DAB2: variants seen among roughly 807,000 people sequenced by gnomAD.
DAB2 encodes DAB adaptor protein 2, also known as disabled homolog 2.
Under a neutral mutation model 71.6 loss-of-function variants are expected in DAB2, and 28 were observed. The ratio of observed to expected loss-of-function variants is 0.39; its 90% CI spans 0.29 to 0.54. The LOEUF (loss-of-function observed/expected upper bound fraction) is 0.54. DAB2 is among the 20% of genes least tolerant of loss of function. The pLI, the probability that DAB2 is intolerant of heterozygous loss-of-function variation, is 0.68. For synonymous variants in DAB2, 345 were observed against 339.7 expected (o/e 1.02, Z -0.17); for missense variants, 867 against 928.8 (o/e 0.93, Z 0.86).
At chr5:39,384,145 G>A (rs747714067) in intron 9 of DAB2, among the ~76,000 whole-genome samples, 1 of 152,168 alleles carries the variant, frequency 6.6e-6, no homozygotes, top group Non-Finnish European at 1.5e-5. Context: ...CATCTATTTA[G>A]TGGTTAAAGT....
At chr5:39,376,408 T>C (rs554789884) in intron 12 of DAB2, among the ~76,000 whole-genome samples, 29 of 152,292 alleles carry the variant, frequency 1.9e-4, no homozygotes, top group African/African-American at 6.3e-4. Flanking sequence ...CAATAGCTCA[T>C]GGCAGCCCTT....
intron 9 of DAB2, among the ~76,000 whole-genome samples, chr5:39,384,705 A>G (rs375685171): frequency 1.3e-5 from 2 of 152,242 alleles, no homozygotes; most frequent in South Asian, 2.1e-4. Context: ...CCAGTAAAAG[A>G]CAGAATTATA....
intron 13 of DAB2, 78 bp from the exon 14 acceptor site, chr5:39,375,162 T>G (rs1286646777): frequency 9.2e-7 from 1 of 1,087,928 alleles, no homozygotes; most frequent in Non-Finnish European, 1.4e-6. Flanking sequence ...CTTCCAAAAT[T>G]CTTTTAAAAA....
In DAB2 at chr5:39,393,361, T is replaced by C. The variant is rs746973536; in HGVS notation, c.124A>G (p.Arg42Gly). 1 of 1,614,048 alleles carries C rather than the reference T, an allele frequency of 6.2e-7. No homozygotes were observed. The highest frequency in any genetic ancestry group is 8.5e-7 in the Non-Finnish European group (1 of 1,179,966). Residue 42 changes from arginine to glycine, a missense_variant, in exon 3 of 15, where the codon AGG becomes GGG. This residue lies in a region of DAB2 where 127 missense variants were observed against 194.4 expected (regional missense o/e 0.65). Coordinates refer to ENST00000320816, the MANE Select transcript of DAB2 (RefSeq NM_001343.4). ...TATTTTACACCATCGCCTTTGAACC[T>C]TGCTAAGAGATATTCATCTGTCTTT... ...PEKTDEYLLARFKGDGVKYKA... is the reference protein window; with the variant it reads ...PEKTDEYLLAGFKGDGVKYKA...
chr5:39,404,026 T>C (rs1022800578), intron 1 of DAB2, among the ~76,000 whole-genome samples: 14 of 152,040 alleles, frequency 9.2e-5, no homozygotes, highest in Non-Finnish European at 1.5e-4. Context: ...CAGTCTATCA[T>C]TGTTGGACAT....
At chr5:39,387,416 T>A (rs1755120794) in intron 9 of DAB2, among the ~76,000 whole-genome samples, 1 of 152,178 alleles carries the variant, frequency 6.6e-6, no homozygotes, top group South Asian at 2.1e-4. Flanking sequence ...GAATCTGAAC[T>A]AGATAAATAC....
At chr5:39,398,778 T>C (rs559908959) in intron 1 of DAB2, among the ~76,000 whole-genome samples, 1 of 152,218 alleles carries the variant, frequency 6.6e-6, no homozygotes, top group African/African-American at 2.4e-5. Flanking sequence ...TCTCCCAAGG[T>C]TTAAAGAGCA....
chr5:39,380,936 C>T (rs773264850), intron 11 of DAB2, among the ~76,000 whole-genome samples: 22 of 152,168 alleles, frequency 1.4e-4, no homozygotes, highest in Non-Finnish European at 2.1e-4. Context: ...TTACCATACA[C>T]CTAGGAACAC....
chr5:39,407,490 C>T (rs1349905989), intron 1 of DAB2, among the ~76,000 whole-genome samples: 1 of 152,214 alleles, frequency 6.6e-6, no homozygotes, highest in Non-Finnish European at 1.5e-5. Flanking sequence ...CGTGAGCCAC[C>T]ATGCCCGGCC....
At position 39,382,633 on chromosome 5, in the gene DAB2, G is replaced by C. The variant is rs776912693; in HGVS notation, c.1326C>G (p.Gly442=). 9 of 1,613,294 alleles carry C rather than the reference G, an allele frequency of 5.6e-6. No individual in the cohort carries two copies. Among genetic ancestry groups the C allele is most frequent in the Admixed American group, 3.3e-5 (2 of 59,986 alleles). ...PPPQSTKPGR[G]RRTAKSSAND... Reference sequence around the variant, plus strand: ...GACAATTCACCTTAGCAGTCCTTCTGCCTCTTCCTGGTTTGGTACTTTGTG... The same window carrying C: ...GACAATTCACCTTAGCAGTCCTTCTCCCTCTTCCTGGTTTGGTACTTTGTG... Residue 442 remains glycine (G), a synonymous_variant, in exon 10 of 15, where the codon GGC becomes GGG. Coordinates refer to ENST00000320816, the MANE Select transcript of DAB2 (RefSeq NM_001343.4).
chr5:39,422,569 T>G lies in DAB2; in HGVS notation c.-102+2235A>C, dbSNP rs1310162136. Among the ~76,000 whole-genome samples, 1 of 152,176 alleles carries G rather than the reference T, an allele frequency of 6.6e-6. No individual in the cohort carries two copies. Among genetic ancestry groups the G allele is most frequent in the Non-Finnish European group, 1.5e-5 (1 of 68,028 alleles). Reference sequence around the variant, plus strand: ...GGACATATGAGGGTAGAGTTAGAAATGAAGCAGCATAAGAGCCTATGTCAC... The same window carrying G: ...GGACATATGAGGGTAGAGTTAGAAAGGAAGCAGCATAAGAGCCTATGTCAC... On this transcript the variant is annotated intron_variant, in intron 1 of 14. Transcript: ENST00000320816. This position sits in a 1 kb window ranked among gnomAD's most constrained non-coding sequence, Gnocchi z 4.1.
intron 1 of DAB2, among the ~76,000 whole-genome samples, chr5:39,418,654 G>A (rs979519504): frequency 7.9e-5 from 12 of 152,080 alleles, no homozygotes; most frequent in African/African-American, 2.9e-4. Context: ...ATGAAGCATT[G>A]CCACATTCTC....
chr5:39,391,309 G>T (rs1338977836), intron 4 of DAB2, among the ~76,000 whole-genome samples: 1 of 152,058 alleles, frequency 6.6e-6, no homozygotes, highest in East Asian at 1.9e-4. Flanking sequence ...GGCAGAGTGT[G>T]TCTTGGCTTT....
intron 4 of DAB2, among the ~76,000 whole-genome samples, chr5:39,391,054 T>C (rs1225613100): frequency 6.6e-6 from 1 of 152,172 alleles, no homozygotes; most frequent in East Asian, 1.9e-4. Context: ...ATTCCCAGTA[T>C]ATTCTGGAGG....
chr5:39,396,264 G>T (rs918653229), intron 1 of DAB2, among the ~76,000 whole-genome samples: 2 of 152,182 alleles, frequency 1.3e-5, no homozygotes, highest in Admixed American at 1.3e-4. Flanking sequence ...AACCAGGTTT[G>T]TAACCCAGAC....
chr5:39,383,219 T>G lies in DAB2; in HGVS notation c.740A>C (p.Gln247Pro). Residue 247 changes from glutamine to proline, a missense_variant, in exon 10 of 15, where the codon CAG (glutamine) becomes CCG (proline). Physicochemically the swap from Gln to Pro is moderately conservative, Grantham distance 76. Around this residue, in one of 2 missense-constraint regions of DAB2, gnomAD observed 740 missense variants for 734.3 expected, o/e 1.01. Transcript: ENST00000320816. ...GAATGGATTTTCTCTTAAAGAATTC[T>G]GATTGGTGTCGATTTCAGAGTTTAG... is the stretch of plus-strand genomic sequence containing the variant. ...VDLNSEIDTN[Q>P]NSLRENPFLT... is the part of the protein sequence containing the mutation. The G allele has an allele frequency of 6.2e-7, 1 of 1,614,002 alleles. No individual in the cohort carries two copies. Among genetic ancestry groups the G allele is most frequent in the South Asian group, 1.1e-5 (1 of 91,050 alleles).
Position 39,388,846 on chromosome 5 carries a change from T to C in DAB2, c.577A>G (p.Ser193Gly). Residue 193 changes from serine to glycine, a missense_variant, in exon 8 of 15, where the codon AGT becomes GGT. Physicochemically the swap from Ser to Gly is moderately conservative, Grantham distance 56. This residue lies in a region of DAB2 where 740 missense variants were observed against 734.3 expected (regional missense o/e 1.01). Transcript: ENST00000320816. ...EEASKAVENG[S>G]EALMILDDQT... is the part of the protein sequence containing the mutation. ...TCATCTAGAATCATTAGGGCCTCAC[T>C]CCCATTCTGAAAAGATAGCAAATAT... is the stretch of plus-strand genomic sequence containing the variant. 1 of 1,612,604 alleles carries C rather than the reference T, an allele frequency of 6.2e-7. No individual in the cohort carries two copies. The highest frequency in any genetic ancestry group is 8.5e-7 in the Non-Finnish European group (1 of 1,178,674).
intron 1 of DAB2, among the ~76,000 whole-genome samples, chr5:39,397,433 C>T (rs540514320): frequency 6.6e-6 from 1 of 152,278 alleles, no homozygotes; most frequent in African/African-American, 2.4e-5. Flanking sequence ...GTGGTAGCTG[C>T]TTTCTGTAGT....
In DAB2 at chr5:39,394,225, C is replaced by T. The variant is rs1490423754; in HGVS notation, c.91+5G>A. On this transcript the variant is annotated splice_donor_5th_base_variant and intron_variant, in intron 2 of 14. Transcript: ENST00000320816. ...TTCCTTGGCTTCAAGTGGATTTCTC[C>T]ATACCTTTCTTTTTTTCCTTCTTTG... 19 of 1,612,960 alleles carry T rather than the reference C, an allele frequency of 1.2e-5. No individual in the cohort carries two copies. The highest frequency in any genetic ancestry group is 1.7e-5 in the Admixed American group (1 of 59,992).
Sources: allele counts gnomAD v4.1 joint callset (sites outside exome capture counted in the v4.1 genomes callset), GRCh38; gene constraint gnomAD v4.1.1; regional missense constraint gnomAD v4.1.1; non-coding constraint Gnocchi (gnomAD v3.1); transcripts MANE v1.5; gene names NCBI Gene and HGNC (gene_info 2026-07-23, HGNC 2026-07-21).